Variants in FAM193A observed in about 807,000 individuals in gnomAD.
FAM193A encodes protein FAM193A.
A neutral mutation model predicts 126.5 loss-of-function variants in FAM193A; 22 were observed. The observed-to-expected ratio is 0.17, with a 90% confidence interval of 0.12 to 0.25. The LOEUF (loss-of-function observed/expected upper bound fraction) is 0.25, where lower values mean the gene tolerates loss of function less well. FAM193A is among the 10% of genes least tolerant of loss of function. The pLI is 1.00. For missense variants in FAM193A, 1,675 were observed against 1,672.8 expected (o/e 1.00, Z -0.02); for synonymous variants, 761 against 646.8 (o/e 1.18, Z -2.68).
chr4:2,577,563 C>T (rs1055578303), intron 1 of FAM193A, among the ~76,000 whole-genome samples: 19 of 151,818 alleles, frequency 1.3e-4, no homozygotes, highest in Admixed American at 3.9e-4. Context: ...CAATTACAGG[C>T]GCCCGCCACC....
At chr4:2,702,951 C>G (rs556550172) in intron 19 of FAM193A, among the ~76,000 whole-genome samples, 1 of 152,232 alleles carries the variant, frequency 6.6e-6, no homozygotes, top group South Asian at 2.1e-4. Context: ...CATTTGTTTT[C>G]TCCCCTACCC....
In FAM193A at chr4:2,699,805, A is replaced by G. The variant is rs1477428815; in HGVS notation, c.3633A>G (p.Glu1211=). 7 of 1,613,866 alleles carry G rather than the reference A, an allele frequency of 4.3e-6. 1 individual carries two copies. The African/African-American group carries it at 6.7e-5, about 15-fold the overall frequency. ...EEEEEDRFKE[E]FQRLQELQKL... The stretch of plus-strand genomic sequence containing the variant: ...AAGAGGAGGATCGTTTCAAGGAGGA[A>G]TTTCAGCGGCTTCAGGAGCTTCAGA... The change falls in exon 19 of 21, where the codon GAA becomes GAG. Residue 1211 remains glutamate (E), a synonymous_variant. Transcript: ENST00000637812.
At chr4:2,555,733 T>G (rs1382356604) in intron 1 of FAM193A, among the ~76,000 whole-genome samples, 1 of 152,052 alleles carries the variant, frequency 6.6e-6, no homozygotes, top group Non-Finnish European at 1.5e-5. Flanking sequence ...TTCTCCTGCC[T>G]CAGCCTCCGG....
chr4:2,601,373 T>C (rs1254387249), intron 2 of FAM193A, among the ~76,000 whole-genome samples: 5 of 151,558 alleles, frequency 3.3e-5, no homozygotes, highest in Non-Finnish European at 2.9e-5. Context: ...GCTGGGACTG[T>C]AGGCGCGTAC....
intron 1 of FAM193A, among the ~76,000 whole-genome samples, chr4:2,558,750 C>G (rs999082836): frequency 3.3e-5 from 5 of 152,168 alleles, no homozygotes; most frequent in African/African-American, 1.2e-4. Flanking sequence ...CCTGTAATCC[C>G]AGCACTTCGT....
intron 1 of FAM193A, among the ~76,000 whole-genome samples, chr4:2,544,286 A>T (rs777836484): frequency 3.9e-5 from 6 of 152,220 alleles, no homozygotes; most frequent in Admixed American, 1.3e-4. Context: ...ATAGGTTGGC[A>T]CAGTGGCCCA....
chr4:2,692,645 T>C (rs1363000755), intron 15 of FAM193A, among the ~76,000 whole-genome samples: 1 of 152,164 alleles, frequency 6.6e-6, no homozygotes, highest in Non-Finnish European at 1.5e-5. Context: ...CAAATCCAAA[T>C]TGGCAGACAG....
chr4:2,557,884 A>G (rs190782239), intron 1 of FAM193A, among the ~76,000 whole-genome samples: 129 of 152,160 alleles, frequency 8.5e-4, no homozygotes, highest in African/African-American at 2.9e-3. Context: ...CCCAGGAGGC[A>G]GAAGTTGCAG....
Position 2,659,878 on chromosome 4 carries a change from T to C in FAM193A, c.1569T>C (p.Thr523=). 1 of 1,614,198 alleles carries C rather than the reference T, an allele frequency of 6.2e-7. No homozygotes were observed. Among genetic ancestry groups the C allele is most frequent in the Non-Finnish European group, 8.5e-7 (1 of 1,180,036 alleles). Residue 523 remains threonine, a synonymous_variant, in exon 10 of 21, where the codon ACT becomes ACC. Coordinates refer to ENST00000637812, the MANE Select transcript of FAM193A (RefSeq NM_001366318.2). ...GTGGTATCATGGACCCCCCCGTCAC[T>C]GATGACATCCACATTCACCAGCTCC... ...LTCGIMDPPV[T]DDIHIHQLPL...
rs546850373 is a variant in FAM193A, at chr4:2,633,853, G to A, written c.1038+2684G>A. Among the ~76,000 whole-genome samples the A allele has an allele frequency of 1.6e-3, 244 of 152,048 alleles. 2 individuals are homozygous for A. Among genetic ancestry groups the A allele is most frequent in the African/African-American group, 5.5e-3 (228 of 41,472 alleles). On this transcript the variant is annotated intron_variant, in intron 5 of 20. Transcript: ENST00000637812. ...GGTTGCAGTGAGCCGAGATGGGGCCGCTGCACTCCAGCCTGGGCAACAAGA... is the reference window on the plus strand; with the variant it reads ...GGTTGCAGTGAGCCGAGATGGGGCCACTGCACTCCAGCCTGGGCAACAAGA...
At chr4:2,631,501 C>T (rs183871222) in intron 5 of FAM193A, among the ~76,000 whole-genome samples, 2 of 152,264 alleles carry the variant, frequency 1.3e-5, no homozygotes, top group African/African-American at 2.4e-5. Flanking sequence ...GAGAAATCTC[C>T]GGTGTCTTAC....
intron 12 of FAM193A, among the ~76,000 whole-genome samples, chr4:2,668,412 C>T (rs35524862): frequency 0.033 from 5,008 of 152,096 alleles, 93 homozygotes; most frequent in South Asian, 0.075. Context: ...CAATGTTTTG[C>T]CACTTTGGCC....
chr4:2,643,947 C>G (rs189719644), intron 6 of FAM193A, among the ~76,000 whole-genome samples: 9 of 152,314 alleles, frequency 5.9e-5, no homozygotes, highest in Non-Finnish European at 1.3e-4. Context: ...GCTAATAAAA[C>G]TTACCCAAAC....
intron 2 of FAM193A, among the ~76,000 whole-genome samples, chr4:2,623,955 C>T (rs1452542018): frequency 6.6e-6 from 1 of 151,952 alleles, no homozygotes; most frequent in Non-Finnish European, 1.5e-5. Context: ...CTCTCTAGCA[C>T]CCTGCATCAC....
chr4:2,701,750 A>G (rs1010115154), intron 19 of FAM193A, among the ~76,000 whole-genome samples: 1 of 151,860 alleles, frequency 6.6e-6, no homozygotes, highest in Non-Finnish European at 1.5e-5. Context: ...CTTGCCGGAA[A>G]TGTTTATTAC....
chr4:2,535,583 C>T (rs1288057654), upstream of FAM193A, among the ~76,000 whole-genome samples: 5 of 152,230 alleles, frequency 3.3e-5, no homozygotes, highest in Non-Finnish European at 5.9e-5. Context: ...CCCCCGTGGC[C>T]CGGGTCTCAG....
In FAM193A at chr4:2,590,509, A is replaced by AC. The variant is rs1273080012; in HGVS notation, c.256-5575_256-5574insC. Among the ~76,000 whole-genome samples, 97 of 133,606 alleles carry AC rather than the reference A, an allele frequency of 7.3e-4. 18 individuals carry two copies. In the Middle Eastern group the frequency reaches 0.011, roughly 15 times the overall value. The allele number at this position is 133,606 out of a possible 152,430, so 87.7% of individuals were successfully genotyped here. A position where few individuals can be genotyped will look rare whatever the true frequency, so the allele number is the denominator to read the frequency against. ...AACAAAAAAAAACAAAAAAAAACAA[A>AC]AAAAAAACAAAACAAAATTAAAAAA... On this transcript the variant is annotated intron_variant, in intron 1 of 20. Transcript: ENST00000637812.
chr4:2,716,698 A>G (rs1377688027), intron 20 of FAM193A, among the ~76,000 whole-genome samples: 6 of 152,196 alleles, frequency 3.9e-5, no homozygotes, highest in Non-Finnish European at 8.8e-5. Context: ...TATTTTTAAG[A>G]GGGAATCTCA....
intron 1 of FAM193A, among the ~76,000 whole-genome samples, chr4:2,558,326 T>C (rs553584774): frequency 1.1e-3 from 163 of 152,184 alleles, no homozygotes; most frequent in African/African-American, 3.9e-3. Flanking sequence ...TAATTACTTT[T>C]CCTAAAAATA....
Sources: gnomAD v4.1 joint callset for allele counts (sites outside exome capture counted in the v4.1 genomes callset) on GRCh38, gnomAD v4.1.1 for gene constraint, MANE v1.5 for transcripts, NCBI Gene and HGNC (gene_info 2026-07-23, HGNC 2026-07-21) for gene names.